ARHGAP22: variants seen among roughly 807,000 people sequenced by gnomAD.
ARHGAP22 encodes Rho GTPase activating protein 22, also known as rho GTPase-activating protein 22.
ARHGAP22 carries 48 observed loss-of-function variants against 59.1 expected under a neutral mutation model. The observed-to-expected ratio is 0.81, with a 90% CI of 0.64 to 1.03. The LOEUF is 1.03. Ranked by LOEUF, ARHGAP22 falls within the 50% of genes least tolerant of loss-of-function variation. The probability of loss-of-function intolerance (pLI) is 0.00; values close to 1 mark genes in which losing one functional copy is unlikely to be tolerated. For missense variants in ARHGAP22, 1,015 were observed against 958.7 expected (o/e 1.06, Z -0.78); for synonymous variants, 445 against 416.4 (o/e 1.07, Z -0.84).
downstream of ARHGAP22, chr10:48,445,679 C>T (rs1052230545): frequency 6.6e-6 from 1 of 152,660 alleles, no homozygotes; most frequent in African/African-American, 2.4e-5. Flanking sequence ...GCCCACACCT[C>T]GCCCAAGCAC....
intron 1 of ARHGAP22, among the ~76,000 whole-genome samples, chr10:48,647,984 G>T (rs2062384080): frequency 6.6e-6 from 1 of 152,166 alleles, no homozygotes; most frequent in African/African-American, 2.4e-5. Context: ...GTCCAGAAAA[G>T]GCACATTTAT....
chr10:48,618,617 T>C (rs535329292), intron 1 of ARHGAP22, among the ~76,000 whole-genome samples: 18 of 152,096 alleles, frequency 1.2e-4, no homozygotes, highest in African/African-American at 4.3e-4. Context: ...TCAATAGATG[T>C]ATAAAAAACA....
chr10:48,596,892 C>A (rs532893916), intron 1 of ARHGAP22, among the ~76,000 whole-genome samples: 13 of 152,144 alleles, frequency 8.5e-5, no homozygotes, highest in African/African-American at 3.1e-4. Context: ...CCCTCTCACA[C>A]CACACACCTG....
chr10:48,435,069 GT>G, the ARHGAP22 span: 1 of 1,457,764 alleles, frequency 6.9e-7, no homozygotes, highest in Non-Finnish European at 9.3e-7. Context: ...TGGGGAGTCG[GT>G]TAGTCATTGA....
chr10:48,456,206 C>T (rs1361446453), intron 5 of ARHGAP22, among the ~76,000 whole-genome samples: 1 of 152,186 alleles, frequency 6.6e-6, no homozygotes, highest in Non-Finnish European at 1.5e-5. Context: ...TGAGACGGGG[C>T]CAGGAGACTG....
Position 48,450,299 on chromosome 10 carries a change from C to G in ARHGAP22, c.1830G>C (p.Leu610=). The change falls in exon 9 of 10, where the codon CTG becomes CTC. Residue 610 remains leucine, a synonymous_variant. Transcript: ENST00000249601. Reference sequence around the variant, plus strand: ...TCTCGTACTCAGTCCGCTGGCGGCACAGCTCGGCCCTGAGCTCAGTGACCA... The same window carrying G: ...TCTCGTACTCAGTCCGCTGGCGGCAGAGCTCGGCCCTGAGCTCAGTGACCA... ...QGLVTELRAE[L]CRQRTEYERS... 7 of 1,608,236 alleles carry G rather than the reference C, an allele frequency of 4.4e-6. No individual in the cohort carries two copies. Among genetic ancestry groups the G allele is most frequent in the Non-Finnish European group, 5.9e-6 (7 of 1,177,930 alleles).
intron 1 of ARHGAP22, among the ~76,000 whole-genome samples, chr10:48,617,419 G>A (rs1389437697): frequency 2.6e-5 from 4 of 151,900 alleles, no homozygotes; most frequent in Non-Finnish European, 1.5e-5. Context: ...TCATCAGCAC[G>A]TGGAATATTG....
the ARHGAP22 span, among the ~76,000 whole-genome samples, chr10:48,433,190 C>G: frequency 1.3e-4 from 20 of 152,248 alleles, no homozygotes; most frequent in East Asian, 3.9e-3. Flanking sequence ...AAAGAGAAAA[C>G]AAGTGTGTGT....
At chr10:48,451,912 C>T (rs191169735) in intron 8 of ARHGAP22, among the ~76,000 whole-genome samples, 7 of 150,548 alleles carry the variant, frequency 4.6e-5, no homozygotes, top group Non-Finnish European at 1.0e-4. Flanking sequence ...TCCCCAAATC[C>T]CCCCATACAG....
At chr10:48,646,074 A>G (rs980081571) in intron 1 of ARHGAP22, among the ~76,000 whole-genome samples, 1 of 152,238 alleles carries the variant, frequency 6.6e-6, no homozygotes, top group Non-Finnish European at 1.5e-5. Context: ...TCCATAAATG[A>G]AATTAAGAAA....
Position 48,539,290 on chromosome 10 carries a change from C to CTTTTTTTTTTT in ARHGAP22, c.322+16172_322+16173insAAAAAAAAAAA, listed in dbSNP as rs553835954. On this transcript the variant is annotated intron_variant, in intron 3 of 9. Coordinates refer to ENST00000249601, the MANE Select transcript of ARHGAP22 (RefSeq NM_021226.4). ...CTAACAATTAGTATGAGAAGGGTAA[C>CTTTTTTTTTTT]ATTTTTTTTTTTTTTTTTTGAGACG... 1.3e-4 allele frequency among the ~76,000 whole-genome samples: 17 copies of CTTTTTTTTTTT among 129,320 alleles called. 1 individual carries two copies. The highest frequency in any genetic ancestry group is 3.1e-4 in the East Asian group (1 of 3,214). 84.8% of individuals were successfully genotyped at this position (129,320 alleles called of 152,430 possible).
chr10:48,463,827 G>C (rs1393499696), intron 4 of ARHGAP22, among the ~76,000 whole-genome samples: 1 of 152,202 alleles, frequency 6.6e-6, no homozygotes, highest in African/African-American at 2.4e-5. Context: ...AGGCCAAGGA[G>C]AGCCAGTGAA....
intron 3 of ARHGAP22, among the ~76,000 whole-genome samples, chr10:48,488,035 G>C (rs1467070673): frequency 1.3e-5 from 2 of 152,212 alleles, no homozygotes; most frequent in Non-Finnish European, 2.9e-5. Context: ...CTATGCCACA[G>C]AGCAAGATCC....
At chr10:48,495,859 G>A (rs1038074155) in intron 3 of ARHGAP22, among the ~76,000 whole-genome samples, 36 of 152,296 alleles carry the variant, frequency 2.4e-4, no homozygotes, top group African/African-American at 8.4e-4. Flanking sequence ...TGCCCGAGGC[G>A]GAGGCCCACG....
At chr10:48,504,651 G>A (rs1013154756) in intron 3 of ARHGAP22, among the ~76,000 whole-genome samples, 2 of 152,278 alleles carry the variant, frequency 1.3e-5, no homozygotes, top group Admixed American at 6.5e-5. Flanking sequence ...CAAAGGCCCC[G>A]AGGTGGGAAA....
intron 3 of ARHGAP22, among the ~76,000 whole-genome samples, chr10:48,520,594 A>G (rs1442845913): frequency 6.6e-6 from 1 of 152,236 alleles, no homozygotes; most frequent in Non-Finnish European, 1.5e-5. Context: ...CTTATGGAGC[A>G]TAGACAGGGA....
intron 3 of ARHGAP22, among the ~76,000 whole-genome samples, chr10:48,518,764 T>A (rs746165523): frequency 6.6e-6 from 1 of 152,038 alleles, no homozygotes; most frequent in Non-Finnish European, 1.5e-5. Context: ...TTGAGGAGGG[T>A]CCATGTGGGA....
chr10:48,537,849 G>A (rs983730603), intron 3 of ARHGAP22, among the ~76,000 whole-genome samples: 3 of 152,226 alleles, frequency 2.0e-5, no homozygotes, highest in African/African-American at 4.8e-5. Flanking sequence ...TAGGCAGAGA[G>A]GGGGTGCAGG....
rs1358074891 is a variant in ARHGAP22 at position 48,524,424 on chromosome 10, A to T, written c.322+31039T>A. On this transcript the variant is annotated intron_variant, in intron 3 of 9. Transcript: ENST00000249601. ...GCCGGCGCCCTCCCCACGGCCCGTT[A>T]CTCTCCCGGGGTGCCGGGCCGCGCG... Among the ~76,000 whole-genome samples the T allele has an allele frequency of 1.3e-5, 2 of 151,006 alleles. 1 individual carries two copies. Among genetic ancestry groups the T allele is most frequent in the Non-Finnish European group, 3.0e-5 (2 of 67,604 alleles).
Sources: gnomAD v4.1 joint callset for allele counts (sites outside exome capture counted in the v4.1 genomes callset) on GRCh38, gnomAD v4.1.1 for gene constraint, MANE v1.5 for transcripts, NCBI Gene and HGNC (gene_info 2026-07-23, HGNC 2026-07-21) for gene names.